The following EP300 variants were observed in gnomAD, a reference collection of about 807,000 sequenced individuals.
EP300 encodes histone acetyltransferase p300.
EP300 carries 31 observed loss-of-function variants against 264.0 expected under a neutral mutation model. The observed-to-expected ratio is 0.12, with a 90% CI of 0.09 to 0.16. EP300 has a LOEUF of 0.16. Among genes scored for constraint, EP300 ranks in the 10% least tolerant of loss-of-function variants. The pLI, the probability that EP300 is intolerant of heterozygous loss-of-function variation, is 1.00. For synonymous variants in EP300, 1,340 were observed against 1,045.4 expected (o/e 1.28, Z -5.44); for missense variants, 2,766 against 3,052.9 (o/e 0.91, Z 2.21).
chr22:41,170,823 G>A (rs577284704), intron 27 of EP300, among the ~76,000 whole-genome samples: 6 of 151,674 alleles, frequency 4.0e-5, no homozygotes, highest in East Asian at 1.9e-4. Context: ...CATCACACCC[G>A]GCTAAATTTT....
chr22:41,156,347 G>A (rs2059077158), intron 17 of EP300, among the ~76,000 whole-genome samples: 1 of 152,102 alleles, frequency 6.6e-6, no homozygotes. Flanking sequence ...GGTCATAGCA[G>A]AAAAAAGGAC....
chr22:41,175,937 C>A, intron 29 of EP300: 1 of 398,016 alleles, frequency 2.5e-6, no homozygotes, highest in East Asian at 5.2e-5. Flanking sequence ...CATTGGTGCT[C>A]AGCCTGCTGT....
intron 23 of EP300, among the ~76,000 whole-genome samples, chr22:41,167,635 T>TA (rs1431929187): frequency 2.8e-5 from 3 of 108,050 alleles, no homozygotes; most frequent in African/African-American, 4.0e-5. Flanking sequence ...TATATATATA[T>TA]AATGTTTGGT....
At chr22:41,154,044 C>T (rs1259015050) in intron 16 of EP300, among the ~76,000 whole-genome samples, 4 of 152,122 alleles carry the variant, frequency 2.6e-5, no homozygotes, top group Non-Finnish European at 5.9e-5. Context: ...CAAATTTTTC[C>T]GGACTTTTTG....
rs920855975 is a variant in EP300 at position 41,160,865 on chromosome 22, T to A, written c.3671+143T>A. ...GTTGCTATTTAAATGCATATTAATT[T>A]AAATAAAAATTGTTTATCACATGGA... On this transcript the variant is annotated intron_variant, in intron 20 of 30. Coordinates refer to ENST00000263253, the MANE Select transcript of EP300 (RefSeq NM_001429.4). 6.6e-6 allele frequency: 5 copies of A among 762,702 alleles called. No individual in the cohort carries two copies. In the East Asian group the frequency reaches 1.4e-4, roughly 21 times the overall value. The allele number at this position is 762,702 out of a possible 1,614,324, so 47.2% of individuals were successfully genotyped here. A position where few individuals can be genotyped will look rare whatever the true frequency, so the allele number is the denominator to read the frequency against.
In EP300 at chr22:41,176,551, G is replaced by A. The variant is rs377207388; in HGVS notation, c.5061+23G>A. On this transcript the variant is annotated intron_variant, in intron 30 of 30. Transcript: ENST00000263253. ...GAGGTAGGCACCGGGTTGTGGGAAGGAGGAGGTGAGCTCCGCAGGGTTGTT... is the reference window on the plus strand; with the variant it reads ...GAGGTAGGCACCGGGTTGTGGGAAGAAGGAGGTGAGCTCCGCAGGGTTGTT... 2.5e-6 allele frequency: 4 copies of A among 1,613,130 alleles called. No homozygotes were observed. The South Asian group carries it at 3.3e-5, about 13-fold the overall frequency.
In EP300 at chr22:41,149,840, C is replaced by A; in HGVS notation, c.2459C>A (p.Pro820His). ...PGSQGSHIHC[P>H]QLPQPALHQN... is the part of the protein sequence containing the mutation. ...TCTCAGGGGAGCCACATTCACTGTC[C>A]CCAGCTTCCTCAACCAGCTCTTCAT... is the stretch of plus-strand genomic sequence containing the variant. The change falls in exon 14 of 31, where the codon CCC becomes CAC. Residue 820 changes from proline (P) to histidine (H), a missense_variant. Transcript: ENST00000263253. 1 of 1,614,040 alleles carries A rather than the reference C, an allele frequency of 6.2e-7. No homozygotes were observed. The highest frequency in any genetic ancestry group is 8.5e-7 in the Non-Finnish European group (1 of 1,180,014).
chr22:41,160,430 A>C (rs1309837754), intron 19 of EP300: 93 of 509,884 alleles, frequency 1.8e-4, no homozygotes, highest in South Asian at 2.4e-4. Context: ...AAAAAAAAAA[A>C]CAAAAAAAAA....
chr22:41,149,751 A>C lies in EP300; in HGVS notation c.2380-10A>C, dbSNP rs746923860. ...GAATTGCTGTCTTGTTATGTTTTTT[A>C]TTTTAACAGGCACAAATGTCTAGTT... On this transcript the variant is annotated splice_polypyrimidine_tract_variant and intron_variant, in intron 13 of 30. Coordinates refer to ENST00000263253, the MANE Select transcript of EP300 (RefSeq NM_001429.4). 6.2e-7 allele frequency: 1 copy of C among 1,613,650 alleles called. No individual in the cohort carries two copies. Among genetic ancestry groups the C allele is most frequent in the Non-Finnish European group, 8.5e-7 (1 of 1,179,876 alleles).
At chr22:41,098,967 A>G (rs1333769574) in intron 1 of EP300, among the ~76,000 whole-genome samples, 3 of 152,152 alleles carry the variant, frequency 2.0e-5, no homozygotes, top group Admixed American at 6.5e-5. Context: ...GCTTAGGACT[A>G]TGCTTGCTTC....
At chr22:41,140,326 G>T in intron 9 of EP300, 69 bp downstream of exon 9, 1 of 1,046,340 alleles carries the variant, frequency 9.6e-7, no homozygotes, top group South Asian at 1.3e-5. Flanking sequence ...TTCCTCTTTA[G>T]CATGTACAAG....
At position 41,179,784 on chromosome 22, in the gene EP300, G is replaced by A. The variant is rs2059230361; in HGVS notation, c.*828G>A. The A allele has an allele frequency of 8.9e-6, 2 of 224,814 alleles. No homozygotes were observed. The highest frequency in any genetic ancestry group is 5.7e-5 in the Admixed American group (1 of 17,412). 13.9% of individuals were successfully genotyped at this position (224,814 alleles called of 1,614,324 possible). On this transcript the variant is annotated 3_prime_UTR_variant, in exon 31 of 31. Transcript: ENST00000263253. ...AACAAAGTAAAAAAATTAAAAAGAG[G>A]GTAAGAAACGATTCCGGTGGGATGA...
chr22:41,165,081 A>G (rs1262887306), intron 22 of EP300, among the ~76,000 whole-genome samples: 1 of 152,212 alleles, frequency 6.6e-6, no homozygotes, highest in African/African-American at 2.4e-5. Context: ...ATTTTCACAT[A>G]GAAAATAACA....
At chr22:41,126,062 A>C (rs2145708186) in intron 3 of EP300, 22 bp downstream of exon 3, 1 of 1,612,514 alleles carries the variant, frequency 6.2e-7, no homozygotes, top group Non-Finnish European at 8.5e-7. Flanking sequence ...TCCATTACAG[A>C]CTTGTTTTCA....
chr22:41,149,019 T>TG lies in EP300; in HGVS notation c.2242-18dup. 3.7e-6 allele frequency: 6 copies of TG among 1,609,384 alleles called. No homozygotes were observed. The highest frequency in any genetic ancestry group is 2.2e-5 in the East Asian group (1 of 44,842). On this transcript the variant is annotated intron_variant, in intron 12 of 30. Transcript: ENST00000263253. ...TATAATGAAGCAGTTTGGTGATTTG[T>TG]GTTTTTTTTTTTTTTCAGCCTATGG...
In EP300 at chr22:41,173,165, A is replaced by G. The variant is rs772567152; in HGVS notation, c.4618-458A>G. ...AATTACCTCCATTGAATTTAACTTA[A>G]CAAAAGGCACCCTTAAATAGTCTGT... is the stretch of plus-strand genomic sequence containing the variant. On this transcript the variant is annotated intron_variant, in intron 28 of 30. Coordinates refer to ENST00000263253, the MANE Select transcript of EP300 (RefSeq NM_001429.4). Among the ~76,000 whole-genome samples the G allele has an allele frequency of 4.6e-5, 7 of 152,336 alleles. 1 individual carries two copies. In the East Asian group the frequency reaches 9.6e-4, roughly 21 times the overall value.
At chr22:41,134,969 G>T (rs954214298) in intron 6 of EP300, among the ~76,000 whole-genome samples, 1 of 151,864 alleles carries the variant, frequency 6.6e-6, no homozygotes, top group Middle Eastern at 3.4e-3. Context: ...GTGTAGTGGC[G>T]CCATCTCGGC....
intron 20 of EP300, among the ~76,000 whole-genome samples, chr22:41,161,392 C>T (rs181736707): frequency 1.4e-4 from 22 of 152,224 alleles, no homozygotes; most frequent in African/African-American, 4.3e-4. Context: ...CCAAGGCGGG[C>T]GGATCACGAG....
intron 6 of EP300, among the ~76,000 whole-genome samples, chr22:41,133,323 A>G (rs1004657943): frequency 1.3e-5 from 2 of 151,556 alleles, no homozygotes; most frequent in African/African-American, 4.9e-5. Context: ...ACACCCAGCT[A>G]ATTTTTTTTT....
Sources: gnomAD v4.1 joint callset for allele counts (sites outside exome capture counted in the v4.1 genomes callset) on GRCh38, gnomAD v4.1.1 for gene constraint, MANE v1.5 for transcripts, NCBI Gene and HGNC (gene_info 2026-07-23, HGNC 2026-07-21) for gene names.